PLAA: variants seen among roughly 807,000 people sequenced by gnomAD.
PLAA encodes phospholipase A2 activating protein.
A neutral mutation model predicts 84.1 loss-of-function variants in PLAA; 48 were observed. The observed-to-expected ratio is 0.57, with a 90% confidence interval of 0.45 to 0.73. The LOEUF is 0.73. Among genes scored for constraint, PLAA ranks in the 30% least tolerant of loss-of-function variants. The pLI, the probability that PLAA is intolerant of heterozygous loss-of-function variation, is 0.00. For missense variants in PLAA, 903 were observed against 954.7 expected, an observed-to-expected ratio of 0.95 and a Z score of 0.71; for synonymous variants, 392 against 336.6, an observed-to-expected ratio of 1.16 and a Z score of -1.80.
chr9:26,917,434 CAA>C (rs1824597913), intron 9 of PLAA, among the ~76,000 whole-genome samples: 1 of 152,190 alleles, frequency 6.6e-6, no homozygotes, highest in African/African-American at 2.4e-5. Flanking sequence ...ATTCAAATAT[CAA>C]AAGAGAATTG....
At position 26,923,166 on chromosome 9, in the gene PLAA, T is replaced by C; in HGVS notation, c.1039+12A>G. The C allele has an allele frequency of 1.3e-6, 2 of 1,567,262 alleles. No individual in the cohort carries two copies. Among genetic ancestry groups the C allele is most frequent in the Non-Finnish European group, 1.7e-6 (2 of 1,151,878 alleles). On this transcript the variant is annotated intron_variant, in intron 7 of 13. Transcript: ENST00000397292. ...GGTGAATTTTTTCTACTAGGTACAA[T>C]AAAATACTTACCAGGTTCATTAAGA...
chr9:26,924,363 A>C (rs115275053), intron 6 of PLAA, among the ~76,000 whole-genome samples: 1,947 of 152,112 alleles, frequency 0.013, 37 homozygotes, highest in African/African-American at 0.044. Flanking sequence ...CGAACTCCTG[A>C]GCTCAAGCGA....
chr9:26,939,608 C>T (rs1458752029), intron 1 of PLAA, among the ~76,000 whole-genome samples: 1 of 150,970 alleles, frequency 6.6e-6, no homozygotes, highest in Non-Finnish European at 1.5e-5. Flanking sequence ...CAAAGATTGG[C>T]AGAAACCATT....
At chr9:26,940,041 G>A (rs1377730006) in intron 1 of PLAA, among the ~76,000 whole-genome samples, 3 of 152,044 alleles carry the variant, frequency 2.0e-5, no homozygotes, top group African/African-American at 7.2e-5. Flanking sequence ...AGAACTAACA[G>A]ACATACAGAA....
rs781766738 is a variant in PLAA at position 26,905,592 on chromosome 9, A to G, written c.2307T>C (p.Asp769=). ...CTGAGGAATACTTTTTTATTTGAGA[A>G]TCAACACCTAAAGACTTGGCTAATT... is the stretch of plus-strand genomic sequence containing the variant. ...AVQLAKSLGV[D]SQIKKYSSVS... The change falls in exon 14 of 14, where the codon GAT becomes GAC. Residue 769 remains aspartate, a synonymous_variant. Transcript: ENST00000397292. 1 of 1,614,066 alleles carries G rather than the reference A, an allele frequency of 6.2e-7. No homozygotes were observed. Among genetic ancestry groups the G allele is most frequent in the Admixed American group, 1.7e-5 (1 of 60,026 alleles).
rs142993896 is a variant in PLAA at position 26,919,627 on chromosome 9, C to T, written c.1198-98G>A. The T allele has an allele frequency of 5.9e-4, 418 of 713,364 alleles. 1 individual carries two copies. The highest frequency in any genetic ancestry group is 5.5e-3 in the African/African-American group (314 of 57,136). The allele number at this position is 713,364 out of a possible 1,614,324, so 44.2% of individuals were successfully genotyped here. A position where few individuals can be genotyped will look rare whatever the true frequency, so the allele number is the denominator to read the frequency against. Reference sequence around the variant, plus strand: ...ACACAGATGTGTTCTTTAATAATTACAGTACTTAAACTTTCTCCAAAGTGC... The same window carrying T: ...ACACAGATGTGTTCTTTAATAATTATAGTACTTAAACTTTCTCCAAAGTGC... On this transcript the variant is annotated intron_variant, in intron 8 of 13. Coordinates refer to ENST00000397292, the MANE Select transcript of PLAA (RefSeq NM_001031689.3).
chr9:26,924,987 C>G (rs1208398272), intron 6 of PLAA, among the ~76,000 whole-genome samples: 4 of 152,212 alleles, frequency 2.6e-5, no homozygotes, highest in Non-Finnish European at 5.9e-5. Flanking sequence ...TGTACCCAAC[C>G]AATTCTCCCA....
Position 26,905,719 on chromosome 9 carries a change from G to A in PLAA, c.2180C>T (p.Ser727Leu), listed in dbSNP as rs1311918865. ...HNIEGKAQCL[S>L]LISTILEVVQ... ...TACTTCCAAGATTGTGCTAATTAGT[G>A]ACAAACATTGGGCTTTCCCTTCAAT... The change falls in exon 14 of 14, where the codon TCA (serine) becomes TTA (leucine). Residue 727 changes from serine (S) to leucine (L), a missense_variant. Coordinates refer to ENST00000397292, the MANE Select transcript of PLAA (RefSeq NM_001031689.3). 6.2e-7 allele frequency: 1 copy of A among 1,614,134 alleles called. No homozygotes were observed. Among genetic ancestry groups the A allele is most frequent in the Admixed American group, 1.7e-5 (1 of 60,020 alleles).
At chr9:26,942,511 AATT>A (rs1220838383) in intron 1 of PLAA, among the ~76,000 whole-genome samples, 1 of 152,224 alleles carries the variant, frequency 6.6e-6, no homozygotes, top group Non-Finnish European at 1.5e-5. Flanking sequence ...AAAATAAAAC[AATT>A]ATTAGCCACA....
intron 2 of PLAA, among the ~76,000 whole-genome samples, chr9:26,933,499 T>C (rs1156284588): frequency 6.6e-6 from 1 of 151,430 alleles, no homozygotes; most frequent in Non-Finnish European, 1.5e-5. Context: ...TAAAAAATTA[T>C]TTTTGTTGGC....
Position 26,930,351 on chromosome 9 carries a change from G to A in PLAA, c.344-1943C>T, listed in dbSNP as rs192280534. ...GATCTCCTGACCTTATGATCCGCCC[G>A]CCTTGGCCTCCCAAGTGCTGGGATT... is the stretch of plus-strand genomic sequence containing the variant. On this transcript the variant is annotated intron_variant, in intron 2 of 13. Coordinates refer to ENST00000397292, the MANE Select transcript of PLAA (RefSeq NM_001031689.3). 4.6e-5 allele frequency among the ~76,000 whole-genome samples: 7 copies of A among 152,080 alleles called. No individual in the cohort carries two copies. The East Asian group carries it at 5.9e-4, about 13-fold the overall frequency.
intron 10 of PLAA, chr9:26,915,773 T>G (rs1824531197): frequency 1.0e-6 from 1 of 985,256 alleles, no homozygotes; most frequent in Non-Finnish European, 1.2e-6. Flanking sequence ...TGAGATATGC[T>G]CTGGTTATAA....
intron 10 of PLAA, chr9:26,916,536 G>C (rs1275475394): frequency 1.0e-6 from 1 of 986,830 alleles, no homozygotes; most frequent in East Asian, 1.1e-4. Context: ...TGGGTAGTTG[G>C]GTGGAATGTC....
chr9:26,929,977 G>A (rs943356741), intron 2 of PLAA, among the ~76,000 whole-genome samples: 5 of 151,596 alleles, frequency 3.3e-5, no homozygotes, highest in African/African-American at 7.3e-5. Flanking sequence ...CAGACAAAAC[G>A]GTAGCTGACA....
intron 6 of PLAA, among the ~76,000 whole-genome samples, chr9:26,923,611 TCTAGAG>T (rs1824843981): frequency 6.6e-6 from 1 of 152,226 alleles, no homozygotes; most frequent in Non-Finnish European, 1.5e-5. Flanking sequence ...ATCATAAGAA[TCTAGAG>T]CTATAGTATG....
chr9:26,919,205 A>G, intron 9 of PLAA, 105 bp downstream of exon 9: 2 of 621,600 alleles, frequency 3.2e-6, no homozygotes. Context: ...TGCTGTAGAT[A>G]TTGGTATTTA....
In PLAA at chr9:26,903,925, A is replaced by C. The variant is rs1824154209; in HGVS notation, c.*1586T>G. ...TGCAATTAAATTATTTGTACTTAAG[A>C]AAGCAGTGTATTGTAAAGGAACCAG... On this transcript the variant is annotated 3_prime_UTR_variant, in exon 14 of 14. Coordinates refer to ENST00000397292, the MANE Select transcript of PLAA (RefSeq NM_001031689.3). 6.6e-6 allele frequency among the ~76,000 whole-genome samples: 1 copy of C among 152,208 alleles called. No homozygotes were observed. Among genetic ancestry groups the C allele is most frequent in the South Asian group, 2.1e-4 (1 of 4,832 alleles).
intron 11 of PLAA, among the ~76,000 whole-genome samples, chr9:26,911,178 A>G (rs1452820533): frequency 1.3e-5 from 2 of 151,996 alleles, no homozygotes; most frequent in African/African-American, 4.8e-5. Flanking sequence ...TTTGAGACAG[A>G]GTCACGCTCT....
rs140766740 is a variant in PLAA, at chr9:26,919,223, A to G, written c.1417+87T>C. 55 of 737,638 alleles carry G rather than the reference A, an allele frequency of 7.5e-5. No individual in the cohort carries two copies. The East Asian group carries it at 1.3e-3, about 17-fold the overall frequency. 45.7% of individuals were successfully genotyped at this position (737,638 alleles called of 1,614,324 possible). A position where few individuals can be genotyped will look rare whatever the true frequency, so the allele number is the denominator to read the frequency against. On this transcript the variant is annotated intron_variant, in intron 9 of 13. Coordinates refer to ENST00000397292, the MANE Select transcript of PLAA (RefSeq NM_001031689.3). ...TGTAGATATTGGTATTTATTGAAAA[A>G]GCTAATCACATGACTATTTGAAAAC...
Sources: allele counts gnomAD v4.1 joint callset (sites outside exome capture counted in the v4.1 genomes callset), GRCh38; gene constraint gnomAD v4.1.1; transcripts MANE v1.5; gene names NCBI Gene and HGNC (gene_info 2026-07-23, HGNC 2026-07-21).